HAGH: variants seen among roughly 807,000 people sequenced by gnomAD.
HAGH encodes hydroxyacylglutathione hydrolase, mitochondrial.
HAGH carries 29 observed loss-of-function variants against 35.1 expected under a neutral mutation model. The observed-to-expected ratio is 0.83, with a 90% confidence interval of 0.62 to 1.13. The LOEUF is 1.13. HAGH is among the 50% of genes most tolerant of loss of function. HAGH has a pLI of 0.00. For missense variants in HAGH, 478 were observed against 419.6 expected (o/e 1.14, Z -1.22); for synonymous variants, 225 against 176.1 (o/e 1.28, Z -2.20).
In HAGH at chr16:1,807,640, A is replaced by G. The variant is rs1231581942; in HGVS notation, c.*1643T>C. 6.6e-6 allele frequency: 1 copy of G among 152,250 alleles called. No individual in the cohort carries two copies. Among genetic ancestry groups the G allele is most frequent in the African/African-American group, 2.4e-5 (1 of 41,464 alleles). 9.4% of individuals were successfully genotyped at this position (152,250 alleles called of 1,614,324 possible). ...AAATGAGCACAGTGTTTGTTATAGAATGGAAACATTTAAGATTCTGGCCTA... is the reference window on the plus strand; with the variant it reads ...AAATGAGCACAGTGTTTGTTATAGAGTGGAAACATTTAAGATTCTGGCCTA... On this transcript the variant is annotated 3_prime_UTR_variant, in exon 9 of 9. Transcript: ENST00000397356.
chr16:1,809,172 G>T lies in HAGH; in HGVS notation c.*111C>A. On this transcript the variant is annotated 3_prime_UTR_variant, in exon 9 of 9. Transcript: ENST00000397356. ...TAGAATGTCCGATAACACAAGCCAA[G>T]GGCTGTAAAATTAAGGTTAAATCAA... The T allele has an allele frequency of 1.4e-6, 1 of 716,870 alleles. No individual in the cohort carries two copies. 44.4% of individuals were successfully genotyped at this position (716,870 alleles called of 1,614,324 possible).
At chr16:1,822,172 A>G in intron 3 of HAGH, 128 bp downstream of exon 3, 2 of 674,822 alleles carry the variant, frequency 3.0e-6, no homozygotes, top group Admixed American at 4.3e-5. Context: ...CTTTCTCAGA[A>G]GTCTGCTGGG....
In HAGH at chr16:1,822,451, C is replaced by G. The variant is rs1228517668; in HGVS notation, c.250-87G>C. 16 of 998,084 alleles carry G rather than the reference C, an allele frequency of 1.6e-5. No individual in the cohort carries two copies. In the African/African-American group the frequency reaches 2.0e-4, roughly 13 times the overall value. The allele number at this position is 998,084 out of a possible 1,614,324, so 61.8% of individuals were successfully genotyped here. A position where few individuals can be genotyped will look rare whatever the true frequency, so the allele number is the denominator to read the frequency against. On this transcript the variant is annotated intron_variant, in intron 2 of 8. Transcript: ENST00000397356. ...ATATGGTAGGGTGCCCAGCAGAACC[C>G]AGGACACGCCATGAGGGGCCGCTGA...
chr16:1,815,205 A>C (rs1897838872), intron 7 of HAGH, among the ~76,000 whole-genome samples: 1 of 152,206 alleles, frequency 6.6e-6, no homozygotes, highest in African/African-American at 2.4e-5. Flanking sequence ...AACACCAAGC[A>C]GTGCTGGCAC....
intron 7 of HAGH, among the ~76,000 whole-genome samples, chr16:1,811,238 A>AC (rs1263430103): frequency 6.6e-6 from 1 of 152,054 alleles, no homozygotes; most frequent in African/African-American, 2.4e-5. Flanking sequence ...ACACGGTGAA[A>AC]CCCCATCTCT....
Position 1,819,866 on chromosome 16 carries a change from C to T in HAGH, c.432+31G>A, listed in dbSNP as rs368460271. ...CTCCCCCACGCTCCTGACAGGGCCACGCTGGAGCACCTCCAGGGCTCACTC... is the reference window on the plus strand; with the variant it reads ...CTCCCCCACGCTCCTGACAGGGCCATGCTGGAGCACCTCCAGGGCTCACTC... On this transcript the variant is annotated intron_variant, in intron 4 of 8. Coordinates refer to ENST00000397356, the MANE Select transcript of HAGH (RefSeq NM_005326.6). 2,336 of 1,384,628 alleles carry T rather than the reference C, an allele frequency of 1.7e-3. 26 individuals are homozygous for T. The South Asian group carries it at 0.018, about 11-fold the overall frequency. 85.8% of individuals were successfully genotyped at this position (1,384,628 alleles called of 1,614,324 possible). A position where few individuals can be genotyped will look rare whatever the true frequency, so the allele number is the denominator to read the frequency against.
chr16:1,818,466 C>T (rs1567258197), intron 5 of HAGH: 1 of 152,354 alleles, frequency 6.6e-6, no homozygotes, highest in African/African-American at 2.4e-5. Flanking sequence ...TGGGTCACTC[C>T]CACCTGGGTT....
At chr16:1,810,204 C>CG (rs1453247933) in intron 7 of HAGH, 2 of 194,162 alleles carry the variant, frequency 1.0e-5, no homozygotes, top group African/African-American at 4.7e-5. Flanking sequence ...GGACACTGCC[C>CG]GACTGACAAG....
rs1897517363 is a variant in HAGH, at chr16:1,809,184, T to G, written c.*99A>C. ...TAACACAAGCCAAGGGCTGTAAAAT[T>G]AAGGTTAAATCAAGACTGAATTTCC... On this transcript the variant is annotated 3_prime_UTR_variant, in exon 9 of 9. Transcript: ENST00000397356. The G allele has an allele frequency of 3.9e-6, 3 of 775,320 alleles. No homozygotes were observed. Among genetic ancestry groups the G allele is most frequent in the Non-Finnish European group, 6.5e-6 (3 of 460,650 alleles). 48.0% of individuals were successfully genotyped at this position (775,320 alleles called of 1,614,324 possible).
intron 8 of HAGH, 42 bp from the exon 9 acceptor site, chr16:1,809,424 GC>G: frequency 6.6e-7 from 1 of 1,524,666 alleles, no homozygotes. Context: ...GCCGAGCCAC[GC>G]CCACCGGAGG....
intron 7 of HAGH, among the ~76,000 whole-genome samples, chr16:1,816,524 C>T (rs1021180550): frequency 1.4e-4 from 21 of 152,246 alleles, no homozygotes; most frequent in South Asian, 4.2e-4. Flanking sequence ...GCCTGGGCTA[C>T]GCCATGGAGG....
At chr16:1,822,138 T>TG in intron 3 of HAGH, 162 bp downstream of exon 3, 2 of 615,724 alleles carry the variant, frequency 3.2e-6, no homozygotes, top group South Asian at 3.6e-5. Context: ...ACTTGCCCCT[T>TG]GGGGGCTACG....
chr16:1,818,925 C>A, intron 5 of HAGH, 190 bp downstream of exon 5: 1 of 582,500 alleles, frequency 1.7e-6, no homozygotes, highest in Admixed American at 3.0e-5. Context: ...AACTTCCTTC[C>A]AGACCACGAT....
rs547913773 is a variant in HAGH at position 1,825,188 on chromosome 16, A to T, written c.76+1524T>A. ...CAAAAATTAGCTGGGCGTGGTGGCG[A>T]GCGCCTGTAGTCCCAGCTACTCAGG... On this transcript the variant is annotated intron_variant, in intron 1 of 8. Coordinates refer to ENST00000397356, the MANE Select transcript of HAGH (RefSeq NM_005326.6). Among the ~76,000 whole-genome samples, 675 of 152,144 alleles carry T rather than the reference A, an allele frequency of 4.4e-3. 15 individuals carry two copies. The highest frequency in any genetic ancestry group is 2.0e-3 in the Non-Finnish European group (138 of 67,990).
intron 7 of HAGH, chr16:1,810,778 C>T (rs1171127663): frequency 2.0e-5 from 3 of 152,394 alleles, no homozygotes; most frequent in Admixed American, 6.5e-5. Flanking sequence ...CGAGGTTCCC[C>T]ACCCGCTATG....
Position 1,816,856 on chromosome 16 carries a change from C to A in HAGH, c.747+37G>T, listed in dbSNP as rs375822579. ...GCTGTGCACAGCGGCCCTGAGCAGC[C>A]CACAGGAAGGCACTGCGCAGTGACG... is the stretch of plus-strand genomic sequence containing the variant. On this transcript the variant is annotated intron_variant, in intron 7 of 8. Transcript: ENST00000397356. The A allele has an allele frequency of 2.1e-5, 28 of 1,322,226 alleles. No individual in the cohort carries two copies. In the African/African-American group the frequency reaches 3.4e-4, roughly 16 times the overall value. The allele number at this position is 1,322,226 out of a possible 1,614,324, so 81.9% of individuals were successfully genotyped here.
At chr16:1,817,390 C>A in intron 5 of HAGH, 119 bp from the exon 6 acceptor site, 2 of 705,284 alleles carry the variant, frequency 2.8e-6, no homozygotes, top group Non-Finnish European at 5.2e-6. Flanking sequence ...CCCTGGCTGC[C>A]CTCCGGCCAC....
chr16:1,827,140 G>C (rs1898480056), upstream of HAGH: 19 of 1,485,188 alleles, frequency 1.3e-5, no homozygotes, highest in South Asian at 1.7e-4. Context: ...CCGTCGCTGC[G>C]GGGGACAGCG....
intron 7 of HAGH, among the ~76,000 whole-genome samples, chr16:1,816,042 G>A (rs1369322708): frequency 3.5e-5 from 5 of 141,352 alleles, no homozygotes; most frequent in Non-Finnish European, 7.5e-5. Context: ...CTGGGTTCAA[G>A]CGATTCTCCT....
Sources: gnomAD v4.1 joint callset for allele counts (sites outside exome capture counted in the v4.1 genomes callset) on GRCh38, gnomAD v4.1.1 for gene constraint, MANE v1.5 for transcripts, NCBI Gene and HGNC (gene_info 2026-07-23, HGNC 2026-07-21) for gene names.